Variants in MAP3K5 observed in about 807,000 individuals in gnomAD.
MAP3K5 encodes the protein mitogen-activated protein kinase kinase kinase 5, also known as ASK-1.
In MAP3K5, 56 loss-of-function variants were observed where a neutral mutation model predicts 158.7. The observed-to-expected ratio is 0.35, with a 90% confidence interval of 0.28 to 0.44. The LOEUF is 0.44. MAP3K5 is among the 20% of genes least tolerant of loss of function. The pLI is 1.00. For missense variants in MAP3K5, 1,294 were observed against 1,674.8 expected (o/e 0.77, Z 3.97); for synonymous variants, 579 against 601.7 (o/e 0.96, Z 0.55).
chr6:136,749,767 G>A (rs1465527024), intron 1 of MAP3K5, among the ~76,000 whole-genome samples: 1 of 152,026 alleles, frequency 6.6e-6, no homozygotes, highest in Non-Finnish European at 1.5e-5. Flanking sequence ...CATGGACGTC[G>A]ACTGAAAGAC....
At chr6:136,676,971 T>C (rs1257445679) in intron 7 of MAP3K5, among the ~76,000 whole-genome samples, 2 of 150,614 alleles carry the variant, frequency 1.3e-5, no homozygotes, top group Non-Finnish European at 3.0e-5. Flanking sequence ...TTTGTATTTT[T>C]AGTAGAGACA....
chr6:136,710,651 G>A (rs1216803842), intron 2 of MAP3K5, among the ~76,000 whole-genome samples: 1 of 152,128 alleles, frequency 6.6e-6, no homozygotes, highest in African/African-American at 2.4e-5. Context: ...TGCAGCCAGC[G>A]AAAGAAGTGG....
intron 18 of MAP3K5, among the ~76,000 whole-genome samples, chr6:136,608,939 G>A (rs963725918): frequency 2.6e-5 from 4 of 152,212 alleles, no homozygotes; most frequent in Non-Finnish European, 5.9e-5. Context: ...CCAAGTTCAC[G>A]TTTGAAGCCT....
At chr6:136,748,983 T>A (rs939415402) in intron 1 of MAP3K5, among the ~76,000 whole-genome samples, 3 of 152,216 alleles carry the variant, frequency 2.0e-5, no homozygotes, top group Non-Finnish European at 1.5e-5. Flanking sequence ...AGTTAAGAAA[T>A]AAAACTGGAA....
At chr6:136,784,859 T>C (rs918883640) in intron 1 of MAP3K5, among the ~76,000 whole-genome samples, 3 of 152,196 alleles carry the variant, frequency 2.0e-5, no homozygotes, top group Non-Finnish European at 4.4e-5. Context: ...TAAGAAATCA[T>C]GGCAATAGGT....
chr6:136,690,754 G>A (rs1780349598), intron 7 of MAP3K5, among the ~76,000 whole-genome samples: 1 of 151,860 alleles, frequency 6.6e-6, no homozygotes, highest in Admixed American at 6.6e-5. Context: ...TGATTTCTTT[G>A]TTGATGGTAT....
chr6:136,592,082 C>G (rs1775410930), intron 23 of MAP3K5, 91 bp downstream of exon 23: 5 of 1,233,986 alleles, frequency 4.1e-6, no homozygotes, highest in Admixed American at 2.5e-5. Flanking sequence ...GTTCCTCTTG[C>G]CTTTCACATC....
intron 1 of MAP3K5, among the ~76,000 whole-genome samples, chr6:136,784,278 A>C (rs1784747372): frequency 6.6e-6 from 1 of 152,238 alleles, no homozygotes; most frequent in Admixed American, 6.5e-5. Context: ...ATGTGGGGTA[A>C]GAAATTGGTA....
upstream of MAP3K5, among the ~76,000 whole-genome samples, chr6:136,793,018 C>T (rs750277018): frequency 6.6e-6 from 1 of 152,186 alleles, no homozygotes; most frequent in Non-Finnish European, 1.5e-5. Flanking sequence ...CTTCACCCAC[C>T]CGGCCCCCAC....
At chr6:136,568,404 C>A (rs1487102618) in intron 25 of MAP3K5, among the ~76,000 whole-genome samples, 1 of 152,198 alleles carries the variant, frequency 6.6e-6, no homozygotes, top group East Asian at 1.9e-4. Context: ...AAATGCCACA[C>A]GCAGGCTGAT....
intron 1 of MAP3K5, among the ~76,000 whole-genome samples, chr6:136,781,046 A>G (rs190521092): frequency 2.4e-4 from 37 of 152,350 alleles, no homozygotes; most frequent in African/African-American, 8.7e-4. Context: ...AAATTTAATT[A>G]GTAGGAATAT....
intron 3 of MAP3K5, among the ~76,000 whole-genome samples, chr6:136,703,303 A>AG (rs1780932044): frequency 6.6e-6 from 1 of 152,238 alleles, no homozygotes; most frequent in South Asian, 2.1e-4. Context: ...AAGCTGGGCT[A>AG]GGCAGGATGG....
intron 1 of MAP3K5, among the ~76,000 whole-genome samples, chr6:136,737,991 T>C (rs915992044): frequency 6.6e-6 from 1 of 152,130 alleles, no homozygotes; most frequent in Non-Finnish European, 1.5e-5. Context: ...AATTGCATAA[T>C]ATAGGAGTTT....
rs753559110 is a variant in MAP3K5, at chr6:136,792,077, G to A, written c.81C>T (p.Gly27=). The A allele has an allele frequency of 1.9e-6, 3 of 1,572,558 alleles. No homozygotes were observed. The highest frequency in any genetic ancestry group is 2.3e-5 in the South Asian group (2 of 87,284). ...APSGFCTIPE[G]GICRRGGAAA... The stretch of plus-strand genomic sequence containing the variant: ...CCGCTCCTCCCCTCCTGCAGATGCC[G>A]CCCTCGGGGATGGTGCAGAAGCCCG... The change falls in exon 1 of 30, where the codon GGC becomes GGT. Residue 27 remains glycine, a synonymous_variant. Transcript: ENST00000359015. The surrounding 1 kb of genome is among the most constrained non-coding windows in gnomAD (Gnocchi z 5.7).
intron 14 of MAP3K5, among the ~76,000 whole-genome samples, chr6:136,632,191 T>G: frequency 6.6e-6 from 1 of 151,638 alleles, no homozygotes; most frequent in South Asian, 2.1e-4. Flanking sequence ...CCAGAGGGGG[T>G]GAGAATGTTG....
intron 14 of MAP3K5, among the ~76,000 whole-genome samples, chr6:136,624,524 T>C (rs9389416): frequency 0.021 from 3,190 of 152,204 alleles, 68 homozygotes; most frequent in East Asian, 0.093. Context: ...ACATGAAAAA[T>C]ATATTATAAC....
chr6:136,781,192 CG>C (rs1403098548), intron 1 of MAP3K5, among the ~76,000 whole-genome samples: 1 of 152,168 alleles, frequency 6.6e-6, no homozygotes, highest in Non-Finnish European at 1.5e-5. Context: ...TTTGGTCTAT[CG>C]CAGTCCATCT....
At chr6:136,637,924 A>G (rs551915419) in intron 13 of MAP3K5, among the ~76,000 whole-genome samples, 3 of 152,290 alleles carry the variant, frequency 2.0e-5, no homozygotes, top group Non-Finnish European at 2.9e-5. Flanking sequence ...TTACCCACCC[A>G]TCCATCCATT....
intron 26 of MAP3K5, among the ~76,000 whole-genome samples, chr6:136,565,871 G>GA (rs1239080338): frequency 6.6e-6 from 1 of 152,180 alleles, no homozygotes; most frequent in Non-Finnish European, 1.5e-5. Context: ...ACTGAAAAAG[G>GA]AAAAACGAGG....
Sources: allele counts gnomAD v4.1 joint callset (sites outside exome capture counted in the v4.1 genomes callset), GRCh38; gene constraint gnomAD v4.1.1; non-coding constraint Gnocchi (gnomAD v3.1); transcripts MANE v1.5; gene names NCBI Gene and HGNC (gene_info 2026-07-23, HGNC 2026-07-21).